Variants in HAUS4 observed in about 807,000 individuals in gnomAD.
HAUS4 encodes the protein HAUS augmin like complex subunit 4, also known as HAUS augmin-like complex subunit 4.
In HAUS4, 34 loss-of-function variants were observed where a neutral mutation model predicts 50.6. That is an observed-to-expected ratio of 0.67 (90% CI 0.51 to 0.90). HAUS4 has a LOEUF of 0.90. Among genes scored for constraint, HAUS4 ranks in the 40% least tolerant of loss-of-function variants. The pLI is 0.00. For missense variants in HAUS4, 370 were observed against 428.7 expected (o/e 0.86, Z 1.21); for synonymous variants, 149 against 161.4 (o/e 0.92, Z 0.58).
chr14:22,952,194 T>A (rs1396873180), intron 4 of HAUS4, 134 bp downstream of exon 4: 1 of 679,664 alleles, frequency 1.5e-6, no homozygotes, highest in East Asian at 2.7e-5. Context: ...ATTTTTGTAT[T>A]TTTAGTAGAG....
At chr14:22,951,450 G>T in intron 5 of HAUS4, 105 bp downstream of exon 5, 3 of 1,308,794 alleles carry the variant, frequency 2.3e-6, no homozygotes, top group Non-Finnish European at 3.2e-6. Context: ...CCCTGAATGT[G>T]TATCATTTTT....
chr14:22,946,787 T>A, intron 9 of HAUS4, 79 bp from the exon 10 acceptor site: 1 of 1,051,276 alleles, frequency 9.5e-7, no homozygotes, highest in Non-Finnish European at 1.3e-6. Context: ...AAAACTTTTT[T>A]TTTTTTTTTT....
At chr14:22,952,002 A>AT (rs2044761811) in intron 4 of HAUS4, among the ~76,000 whole-genome samples, 1 of 151,920 alleles carries the variant, frequency 6.6e-6, no homozygotes, top group African/African-American at 2.4e-5. Flanking sequence ...CTGGTAACCA[A>AT]CCCCACCTCA....
Position 22,947,238 on chromosome 14 carries a change from T to A in HAUS4, c.841A>T (p.Met281Leu). The stretch of plus-strand genomic sequence containing the variant: ...TCGGACAAAATCTTTAGCTCCTCCA[T>A]CCTGACAGAGGGAAGAAAGAAATGT... ...KCGAMILKLR[M>L]EELKILSDTY... The change falls in exon 9 of 10, where the codon ATG becomes TTG. Residue 281 changes from methionine (M) to leucine (L), a missense_variant and splice_region_variant. Physicochemically the swap from Met to Leu is conservative, Grantham distance 15 (BLOSUM62 2). Transcript: ENST00000541587. The A allele has an allele frequency of 6.2e-7, 1 of 1,600,786 alleles. No homozygotes were observed. The highest frequency in any genetic ancestry group is 8.6e-7 in the Non-Finnish European group (1 of 1,167,908).
At chr14:22,955,200 A>T (rs1377741277) in intron 1 of HAUS4, 24 bp from the exon 2 acceptor site, 5 of 1,386,240 alleles carry the variant, frequency 3.6e-6, no homozygotes, top group Non-Finnish European at 5.1e-6. Flanking sequence ...AAGTGAAAGA[A>T]AACAAAAAGA....
At chr14:22,950,231 A>G (rs2139301565) in intron 6 of HAUS4, 83 bp downstream of exon 6, 1 of 697,160 alleles carries the variant, frequency 1.4e-6, no homozygotes, top group African/African-American at 1.8e-5. Context: ...TCCCAAATCT[A>G]AAATCAAAAT....
chr14:22,950,528 T>G (rs982904593), intron 5 of HAUS4, 118 bp from the exon 6 acceptor site: 4 of 588,854 alleles, frequency 6.8e-6, no homozygotes, highest in Non-Finnish European at 1.2e-5. Flanking sequence ...TCAAGAGACA[T>G]CAGAGAGACT....
chr14:22,956,093 G>A (rs866370170), intron 1 of HAUS4, among the ~76,000 whole-genome samples: 2 of 152,122 alleles, frequency 1.3e-5, no homozygotes, highest in Non-Finnish European at 2.9e-5. Context: ...CATGTTTATA[G>A]AACATTTGGT....
At position 22,956,005 on chromosome 14, in the gene HAUS4, G is replaced by T. The variant is rs2044856755; in HGVS notation, c.-22-829C>A. ...TGTTTTTGCTCTGCCCCTCCTCTCT[G>T]CAAGGTATCAAACTCCAAAGGGCAA... On this transcript the variant is annotated intron_variant, in intron 1 of 9. Transcript: ENST00000541587. Among the ~76,000 whole-genome samples the T allele has an allele frequency of 3.3e-5, 5 of 152,192 alleles. No homozygotes were observed. The South Asian group carries it at 1.0e-3, about 32-fold the overall frequency.
chr14:22,955,593 C>T (rs1397008521), intron 1 of HAUS4: 1 of 156,872 alleles, frequency 6.4e-6, no homozygotes, highest in Non-Finnish European at 1.4e-5. Flanking sequence ...TTTTTCCCCC[C>T]AAATAACTCA....
chr14:22,946,637 T>C lies in HAUS4; in HGVS notation c.980A>G (p.Tyr327Cys). The change falls in exon 10 of 10, where the codon TAT becomes TGT. Residue 327 changes from tyrosine (Y) to cysteine (C), a missense_variant. Tyr to Cys is a radical substitution (Grantham distance 194). Transcript: ENST00000541587. ...GTCAAACTCCTCCCCAAGGACCTCATAGGAGTTCAGGACCTGTCTTGAGTT... is the reference window on the plus strand; with the variant it reads ...GTCAAACTCCTCCCCAAGGACCTCACAGGAGTTCAGGACCTGTCTTGAGTT... ...MENSRQVLNS[Y>C]EVLGEEFDRL... 3 of 1,613,764 alleles carry C rather than the reference T, an allele frequency of 1.9e-6. No individual in the cohort carries two copies. Among genetic ancestry groups the C allele is most frequent in the Non-Finnish European group, 2.5e-6 (3 of 1,179,670 alleles).
chr14:22,956,858 T>A (rs1377260676), intron 1 of HAUS4, 58 bp downstream of exon 1: 1 of 154,360 alleles, frequency 6.5e-6, no homozygotes, highest in South Asian at 2.0e-4. Flanking sequence ...CTGGCCGGAA[T>A]GACTCTCCCA....
At position 22,948,023 on chromosome 14, in the gene HAUS4, G is replaced by A; in HGVS notation, c.563-10C>T. 1.9e-6 allele frequency: 3 copies of A among 1,600,698 alleles called. No individual in the cohort carries two copies. The highest frequency in any genetic ancestry group is 2.6e-6 in the Non-Finnish European group (3 of 1,173,758). On this transcript the variant is annotated splice_polypyrimidine_tract_variant and intron_variant, in intron 6 of 9. Coordinates refer to ENST00000541587, the MANE Select transcript of HAUS4 (RefSeq NM_001166269.2). ...GTTTCACTGTCAGCATCTGAGCAAA[G>A]GGGCAGAGGACTGACAGGAAAACCC...
intron 1 of HAUS4, chr14:22,955,598 A>T (rs2044846467): frequency 6.4e-6 from 1 of 156,806 alleles, no homozygotes; most frequent in South Asian, 2.0e-4. Context: ...CCCCCCAAAT[A>T]ACTCAGCTAT....
rs1424687743 is a variant in HAUS4, at chr14:22,946,409, A to T, written c.*116T>A. On this transcript the variant is annotated 3_prime_UTR_variant, in exon 10 of 10. Transcript: ENST00000541587. ...TAAATGACTGCAGTGTTTCAAGCGTAAGCATTTCCACACTCCCTTGTACTG... is the reference window on the plus strand; with the variant it reads ...TAAATGACTGCAGTGTTTCAAGCGTTAGCATTTCCACACTCCCTTGTACTG... 1 of 679,692 alleles carries T rather than the reference A, an allele frequency of 1.5e-6. No homozygotes were observed. Among genetic ancestry groups the T allele is most frequent in the African/African-American group, 1.8e-5 (1 of 55,460 alleles). 42.1% of individuals were successfully genotyped at this position (679,692 alleles called of 1,614,324 possible).
At chr14:22,951,285 G>A (rs145604251) in intron 5 of HAUS4, among the ~76,000 whole-genome samples, 29 of 151,926 alleles carry the variant, frequency 1.9e-4, no homozygotes, top group East Asian at 5.8e-4. Context: ...GATTATAGGC[G>A]GAAGTCACTA....
intron 1 of HAUS4, chr14:22,955,388 C>G (rs2044841536): frequency 1.8e-6 from 1 of 566,806 alleles, no homozygotes; most frequent in Admixed American, 3.1e-5. Flanking sequence ...AAACATGTCA[C>G]ATTCTAAGCA....
Position 22,951,705 on chromosome 14 carries a change from T to A in HAUS4, c.331-16A>T, listed in dbSNP as rs746184105. The stretch of plus-strand genomic sequence containing the variant: ...TCTCATGAAACTGAGAGAGAGAGAA[T>A]AAAAAACAAAAAGAGGCAACTATAA... On this transcript the variant is annotated splice_polypyrimidine_tract_variant and intron_variant, in intron 4 of 9. Transcript: ENST00000541587. 1.3e-6 allele frequency: 2 copies of A among 1,575,424 alleles called. No homozygotes were observed. The highest frequency in any genetic ancestry group is 2.8e-5 in the African/African-American group (2 of 72,676).
chr14:22,956,595 T>G (rs181728930), intron 1 of HAUS4, among the ~76,000 whole-genome samples: 5 of 152,352 alleles, frequency 3.3e-5, no homozygotes, highest in African/African-American at 1.2e-4. Flanking sequence ...CTCCACCCTC[T>G]GCACTCAGAC....
Sources: gnomAD v4.1 joint callset for allele counts (sites outside exome capture counted in the v4.1 genomes callset) on GRCh38, gnomAD v4.1.1 for gene constraint, MANE v1.5 for transcripts, NCBI Gene and HGNC (gene_info 2026-07-23, HGNC 2026-07-21) for gene names.